The following PKP2 variants were observed in gnomAD, a reference collection of about 807,000 sequenced individuals.
The protein encoded by PKP2 is plakophilin 2.
A neutral mutation model predicts 83.4 loss-of-function variants in PKP2; 73 were observed. The ratio of observed to expected loss-of-function variants is 0.88; its 90% CI spans 0.72 to 1.06. The LOEUF is 1.06. Ranked by LOEUF, PKP2 falls within the 50% of genes least tolerant of loss-of-function variation. The pLI, the probability that PKP2 is intolerant of heterozygous loss-of-function variation, is 0.00. For synonymous variants in PKP2, 409 were observed against 430.4 expected, an observed-to-expected ratio of 0.95 and a Z score of 0.62; for missense variants, 966 against 1,065.4, an observed-to-expected ratio of 0.91 and a Z score of 1.30.
At chr12:32,808,044 C>T (rs1275540923) in intron 9 of PKP2, among the ~76,000 whole-genome samples, 3 of 152,128 alleles carry the variant, frequency 2.0e-5, no homozygotes, top group Non-Finnish European at 4.4e-5. Flanking sequence ...GGGTTCTCTC[C>T]ATTTCCTGAA....
intron 9 of PKP2, among the ~76,000 whole-genome samples, chr12:32,814,082 G>A (rs1956299990): frequency 6.6e-6 from 1 of 152,156 alleles, no homozygotes; most frequent in African/African-American, 2.4e-5. Flanking sequence ...CAGGAGGGAC[G>A]TTTGGCACTC....
chr12:32,884,309 C>T (rs921836853), intron 1 of PKP2, among the ~76,000 whole-genome samples: 5 of 152,038 alleles, frequency 3.3e-5, no homozygotes, highest in African/African-American at 1.2e-4. Flanking sequence ...CAAAAATTAG[C>T]CGGGCGTGGT....
At chr12:32,866,946 T>G (rs984196711) in intron 4 of PKP2, among the ~76,000 whole-genome samples, 3 of 152,202 alleles carry the variant, frequency 2.0e-5, no homozygotes, top group African/African-American at 7.2e-5. Context: ...AGACTTACTC[T>G]GAGTAAAATA....
chr12:32,862,769 C>T (rs992636124), intron 4 of PKP2, among the ~76,000 whole-genome samples: 3 of 151,988 alleles, frequency 2.0e-5, no homozygotes, highest in East Asian at 1.9e-4. Context: ...CTTTGAGAGG[C>T]GGGTGGATCC....
rs1592747579 is a variant in PKP2, at chr12:32,843,214, C to T, written c.1379-2009G>A. The T allele has an allele frequency of 3.1e-6, 2 of 642,628 alleles. No individual in the cohort carries two copies. The highest frequency in any genetic ancestry group is 5.3e-5 in the East Asian group (1 of 18,774). 39.8% of individuals were successfully genotyped at this position (642,628 alleles called of 1,614,324 possible). On this transcript the variant is annotated intron_variant, in intron 5 of 12. Transcript: ENST00000340811. Reference sequence around the variant, plus strand: ...GTCAGGCTGGTCTCGAACTCCTGACCTCGTGATCCGCCCGCCTTGGCCTCC... The same window carrying T: ...GTCAGGCTGGTCTCGAACTCCTGACTTCGTGATCCGCCCGCCTTGGCCTCC...
At chr12:32,867,980 A>G (rs558595599) in intron 4 of PKP2, among the ~76,000 whole-genome samples, 1 of 152,346 alleles carries the variant, frequency 6.6e-6, no homozygotes, top group East Asian at 1.9e-4. Context: ...CAAAACATAT[A>G]TGCACAAAGC....
At chr12:32,838,499 A>C (rs1447954309) in intron 6 of PKP2, among the ~76,000 whole-genome samples, 1 of 151,594 alleles carries the variant, frequency 6.6e-6, no homozygotes, top group Non-Finnish European at 1.5e-5. Context: ...AAAAAAATTA[A>C]CTCCTTAATG....
At chr12:32,886,446 T>C (rs1318407622) in intron 1 of PKP2, among the ~76,000 whole-genome samples, 1 of 152,200 alleles carries the variant, frequency 6.6e-6, no homozygotes, top group Non-Finnish European at 1.5e-5. Flanking sequence ...AAGCAGAAAA[T>C]ATACTGAGAC....
intron 5 of PKP2, among the ~76,000 whole-genome samples, chr12:32,845,250 T>C (rs1447558244): frequency 2.0e-5 from 3 of 152,168 alleles, no homozygotes; most frequent in African/African-American, 4.8e-5. Context: ...TTACAACTCA[T>C]GTTAAATAAT....
At chr12:32,892,981 C>A (rs1957088471) in intron 1 of PKP2, among the ~76,000 whole-genome samples, 1 of 152,166 alleles carries the variant, frequency 6.6e-6, no homozygotes, top group Non-Finnish European at 1.5e-5. Flanking sequence ...AGACTTACTT[C>A]ACAATGCTGC....
chr12:32,796,347 T>C lies in PKP2; in HGVS notation c.2168-49A>G, dbSNP rs188052783. On this transcript the variant is annotated intron_variant, in intron 10 of 12. Transcript: ENST00000340811. ...AACACTTGATTAAAAAGATTGTTTC[T>C]TAATCCCAAGATCCCAATATATTTT... 3.3e-4 allele frequency: 488 copies of C among 1,473,186 alleles called. 3 individuals are homozygous for C. In the African/African-American group the frequency reaches 6.3e-3, roughly 19 times the overall value. The allele number at this position is 1,473,186 out of a possible 1,614,324, so 91.3% of individuals were successfully genotyped here.
intron 6 of PKP2, among the ~76,000 whole-genome samples, chr12:32,833,743 T>C (rs528113757): frequency 1.8e-4 from 28 of 152,310 alleles, no homozygotes; most frequent in Admixed American, 4.6e-4. Context: ...AGAAATGCAT[T>C]ACAAATTGCT....
At chr12:32,883,084 G>C (rs763812199) in intron 1 of PKP2, among the ~76,000 whole-genome samples, 6 of 152,152 alleles carry the variant, frequency 3.9e-5, no homozygotes, top group Non-Finnish European at 8.8e-5. Flanking sequence ...GTTTTCAGAT[G>C]AATGAACTGA....
intron 6 of PKP2, among the ~76,000 whole-genome samples, chr12:32,836,003 G>A (rs1956542867): frequency 6.6e-6 from 1 of 152,176 alleles, no homozygotes; most frequent in Admixed American, 6.5e-5. Context: ...CTACCAACAT[G>A]ATGTCACTGA....
intron 1 of PKP2, among the ~76,000 whole-genome samples, chr12:32,886,254 C>T (rs1180196344): frequency 6.6e-6 from 1 of 152,186 alleles, no homozygotes. Flanking sequence ...CTCTGGCTTG[C>T]AACAGCTCTC....
intron 5 of PKP2, among the ~76,000 whole-genome samples, chr12:32,847,547 C>G: frequency 6.6e-6 from 1 of 152,276 alleles, no homozygotes; most frequent in East Asian, 1.9e-4. Context: ...CACACACGCA[C>G]GCAAGCACAC....
chr12:32,824,227 G>A (rs1956412209), intron 6 of PKP2, 65 bp from the exon 7 acceptor site: 2 of 1,121,092 alleles, frequency 1.8e-6, no homozygotes, highest in Middle Eastern at 2.0e-4. Flanking sequence ...TCTTTGTTTT[G>A]AAGTTTTACT....
intron 8 of PKP2, 67 bp downstream of exon 8, chr12:32,822,400 T>A (rs1297064270): frequency 1.5e-6 from 2 of 1,339,606 alleles, no homozygotes; most frequent in Non-Finnish European, 2.1e-6. Flanking sequence ...GACATACACA[T>A]ATACACAAAC....
At chr12:32,847,969 G>A (rs974050031) in intron 5 of PKP2, among the ~76,000 whole-genome samples, 7 of 152,152 alleles carry the variant, frequency 4.6e-5, no homozygotes, top group Non-Finnish European at 7.4e-5. Flanking sequence ...AATCCACACC[G>A]TCCCTAGGCT....
Sources: allele counts gnomAD v4.1 joint callset (sites outside exome capture counted in the v4.1 genomes callset), GRCh38; gene constraint gnomAD v4.1.1; transcripts MANE v1.5; gene names NCBI Gene and HGNC (gene_info 2026-07-23, HGNC 2026-07-21).